The following CSMD1 variants were observed in gnomAD, a reference collection of about 807,000 sequenced individuals.
CSMD1 encodes the protein CUB and Sushi multiple domains 1, also known as CUB and sushi domain-containing protein 1.
CSMD1 carries 213 observed loss-of-function variants against 417.5 expected under a neutral mutation model. The observed-to-expected ratio is 0.51, with a 90% confidence interval of 0.46 to 0.57. The LOEUF is 0.57. CSMD1 is among the 20% of genes least tolerant of loss of function. CSMD1 has a pLI of 0.00. For synonymous variants in CSMD1, 2,862 were observed against 1,736.8 expected, an observed-to-expected ratio of 1.65 and a Z score of -16.11; for missense variants, 6,923 against 4,529.7, an observed-to-expected ratio of 1.53 and a Z score of -15.17.
At chr8:3,663,349 T>C (rs2624087) in intron 7 of CSMD1, among the ~76,000 whole-genome samples, 47,083 of 152,042 alleles carry the variant, frequency 0.31, 7,519 homozygotes, top group African/African-American at 0.35. Context: ...GTTTGGAACA[T>C]GGCAAGTTTG....
Position 3,142,607 on chromosome 8 carries a change from T to C in CSMD1, c.6099A>G (p.Gly2033=). The change falls in exon 41 of 70, where the codon GGA becomes GGG. Residue 2033 remains glycine, a synonymous_variant. Transcript: ENST00000635120. ...CAATCATGGGGCTGGTGTGGTAAGG[T>C]CCATTTTGAATTTCAAGGAAGTCAT... is the stretch of plus-strand genomic sequence containing the variant. ...ANHDFLEIQN[G]PYHTSPMIGQ... 6 of 1,613,960 alleles carry C rather than the reference T, an allele frequency of 3.7e-6. No individual in the cohort carries two copies. The highest frequency in any genetic ancestry group is 5.1e-6 in the Non-Finnish European group (6 of 1,179,850).
At chr8:2,958,076 A>G (rs1803149449) in intron 62 of CSMD1, among the ~76,000 whole-genome samples, 1 of 152,178 alleles carries the variant, frequency 6.6e-6, no homozygotes, top group South Asian at 2.1e-4. Flanking sequence ...TTTCTGTTTT[A>G]GAGTTCTTTC....
intron 37 of CSMD1, among the ~76,000 whole-genome samples, chr8:3,165,026 T>A (rs868047492): frequency 9.2e-5 from 14 of 151,828 alleles, no homozygotes; most frequent in Non-Finnish European, 1.6e-4. Flanking sequence ...TAATTATAAA[T>A]AAATGAATAA....
intron 5 of CSMD1, among the ~76,000 whole-genome samples, chr8:3,806,473 A>G (rs1031909580): frequency 6.6e-6 from 1 of 152,192 alleles, no homozygotes; most frequent in Non-Finnish European, 1.5e-5. Context: ...ATCAGCTTCT[A>G]TAACTGAGTC....
intron 25 of CSMD1, among the ~76,000 whole-genome samples, chr8:3,304,964 A>T (rs1394275409): frequency 6.6e-6 from 1 of 152,204 alleles, no homozygotes; most frequent in South Asian, 2.1e-4. Flanking sequence ...CAACTTTTCA[A>T]AATCAAAGCC....
At chr8:4,055,439 G>C (rs1386725166) in intron 3 of CSMD1, among the ~76,000 whole-genome samples, 1 of 151,610 alleles carries the variant, frequency 6.6e-6, no homozygotes, top group Non-Finnish European at 1.5e-5. Flanking sequence ...AATCAGATCA[G>C]CATTTTGAAG....
At chr8:4,152,781 T>C (rs1201187402) in intron 3 of CSMD1, among the ~76,000 whole-genome samples, 2 of 152,152 alleles carry the variant, frequency 1.3e-5, no homozygotes, top group African/African-American at 2.4e-5. Flanking sequence ...TATATATGCA[T>C]GCATTTTTAT....
chr8:4,792,536 G>T (rs62484614), intron 1 of CSMD1, among the ~76,000 whole-genome samples: 6 of 152,172 alleles, frequency 3.9e-5, no homozygotes, highest in Non-Finnish European at 7.4e-5. Flanking sequence ...GGGTGATCAC[G>T]CACCCATTCA....
intron 5 of CSMD1, among the ~76,000 whole-genome samples, chr8:3,787,345 G>T (rs188039488): frequency 7.9e-5 from 12 of 152,260 alleles, no homozygotes; most frequent in Admixed American, 7.8e-4. Flanking sequence ...ACAGTTCAAT[G>T]TTGATGCCAT....
chr8:3,804,189 C>G (rs1378350832), intron 5 of CSMD1, among the ~76,000 whole-genome samples: 1 of 152,090 alleles, frequency 6.6e-6, no homozygotes, highest in Non-Finnish European at 1.5e-5. Flanking sequence ...ACCTCAGCCT[C>G]CAGAAGTGTT....
chr8:3,094,243 T>C lies in CSMD1; in HGVS notation c.7139-2581A>G, dbSNP rs572151855. Among the ~76,000 whole-genome samples, 16 of 152,206 alleles carry C rather than the reference T, an allele frequency of 1.1e-4. No homozygotes were observed. In the East Asian group the frequency reaches 3.1e-3, roughly 29 times the overall value. ...GCCTCAGGCTCCTGAGTAGCTGGGATTACAGGCGCCTGCCACCGCGCCCAG... is the reference window on the plus strand; with the variant it reads ...GCCTCAGGCTCCTGAGTAGCTGGGACTACAGGCGCCTGCCACCGCGCCCAG... On this transcript the variant is annotated intron_variant, in intron 47 of 69. Coordinates refer to ENST00000635120, the MANE Select transcript of CSMD1 (RefSeq NM_033225.6).
chr8:3,281,500 C>G (rs10780166), intron 26 of CSMD1, among the ~76,000 whole-genome samples: 147,513 of 152,228 alleles, frequency 0.97, 71,628 homozygotes, highest in East Asian at 1. Flanking sequence ...ATATTATTCG[C>G]TGCTAAAAAG....
chr8:4,699,715 A>G (rs1185297538), intron 1 of CSMD1, among the ~76,000 whole-genome samples: 1 of 152,212 alleles, frequency 6.6e-6, no homozygotes, highest in Non-Finnish European at 1.5e-5. Flanking sequence ...CAGACAATTT[A>G]TGAGGTGTTA....
At chr8:2,972,010 CT>C (rs1428109644) in intron 57 of CSMD1, among the ~76,000 whole-genome samples, 1 of 151,870 alleles carries the variant, frequency 6.6e-6, no homozygotes, top group South Asian at 2.1e-4. Flanking sequence ...CAAAAATAGT[CT>C]TTGAGAAAAA....
chr8:3,108,510 G>T, intron 44 of CSMD1, 93 bp downstream of exon 44: 1 of 1,346,236 alleles, frequency 7.4e-7, no homozygotes, highest in Non-Finnish European at 1.0e-6. Context: ...GCTGAATCAA[G>T]AAACTTCAGC....
chr8:3,497,060 A>G (rs914283042), intron 10 of CSMD1, among the ~76,000 whole-genome samples: 1 of 152,242 alleles, frequency 6.6e-6, no homozygotes, highest in Non-Finnish European at 1.5e-5. Context: ...GTGGGATAAC[A>G]TACGATCAGT....
In CSMD1 at chr8:4,481,870, A is replaced by G. The variant is rs546857323; in HGVS notation, c.303-61805T>C. 4.5e-4 allele frequency among the ~76,000 whole-genome samples: 68 copies of G among 152,262 alleles called. No individual in the cohort carries two copies. In the South Asian group the frequency reaches 0.013, roughly 30 times the overall value. ...CTACTTCTATTTTAGAAGTCAGGAAACTGTAGCACAATGAGATCAAGTAGC... is the reference window on the plus strand; with the variant it reads ...CTACTTCTATTTTAGAAGTCAGGAAGCTGTAGCACAATGAGATCAAGTAGC... On this transcript the variant is annotated intron_variant, in intron 2 of 69. Coordinates refer to ENST00000635120, the MANE Select transcript of CSMD1 (RefSeq NM_033225.6).
At chr8:4,841,826 G>A (rs949107477) in intron 1 of CSMD1, among the ~76,000 whole-genome samples, 28 of 142,086 alleles carry the variant, frequency 2.0e-4, no homozygotes, top group Admixed American at 2.4e-4. Context: ...CAGGAGAATC[G>A]CTTGAACCTG....
intron 27 of CSMD1, among the ~76,000 whole-genome samples, chr8:3,227,653 T>A (rs1213288992): frequency 6.6e-6 from 1 of 152,016 alleles, no homozygotes; most frequent in Non-Finnish European, 1.5e-5. Context: ...AAAGATTTAG[T>A]CACTAAAAAC....
Sources: gnomAD v4.1 joint callset for allele counts (sites outside exome capture counted in the v4.1 genomes callset) on GRCh38, gnomAD v4.1.1 for gene constraint, MANE v1.5 for transcripts, NCBI Gene and HGNC (gene_info 2026-07-23, HGNC 2026-07-21) for gene names.